The following TLN2 variants were observed in gnomAD, a reference collection of about 807,000 sequenced individuals.
TLN2 encodes talin 2, also known as talin-2.
In TLN2, 118 loss-of-function variants were observed where a neutral mutation model predicts 294.7. That is an observed-to-expected ratio of 0.40 (90% CI 0.34 to 0.47). The LOEUF (loss-of-function observed/expected upper bound fraction) is 0.47. TLN2 is among the 20% of genes least tolerant of loss of function. TLN2 has a pLI of 0.84. For synonymous variants in TLN2, 1,431 were observed against 1,304.5 expected, an observed-to-expected ratio of 1.10 and a Z score of -2.09; for missense variants, 3,083 against 3,282.2, an observed-to-expected ratio of 0.94 and a Z score of 1.48.
At chr15:62,457,272 G>A (rs1420706338) in intron 1 of TLN2, among the ~76,000 whole-genome samples, 4 of 152,062 alleles carry the variant, frequency 2.6e-5, no homozygotes, top group Non-Finnish European at 5.9e-5. Flanking sequence ...GAGAGCGTGC[G>A]AGCGTGCATG....
chr15:62,668,851 ACTCT>A (rs990114218), intron 9 of TLN2, among the ~76,000 whole-genome samples: 1 of 152,138 alleles, frequency 6.6e-6, no homozygotes, highest in Non-Finnish European at 1.5e-5. Flanking sequence ...AATTGTAGAA[ACTCT>A]CTCTCAACCT....
chr15:62,504,922 G>T (rs1217532130), intron 1 of TLN2, among the ~76,000 whole-genome samples: 3 of 150,576 alleles, frequency 2.0e-5, no homozygotes, highest in African/African-American at 7.3e-5. Context: ...TTTTTTGTTG[G>T]GTAATAACAT....
intron 21 of TLN2, among the ~76,000 whole-genome samples, chr15:62,710,154 G>A (rs1216493441): frequency 6.6e-6 from 1 of 152,104 alleles, no homozygotes. Context: ...TTTTTTGTTT[G>A]TTAGTTCATT....
At position 62,739,445 on chromosome 15, in the gene TLN2, C is replaced by G. The variant is rs1020470942; in HGVS notation, c.3785C>G (p.Thr1262Ser). 7 of 1,614,192 alleles carry G rather than the reference C, an allele frequency of 4.3e-6. No individual in the cohort carries two copies. In the East Asian group the frequency reaches 1.1e-4, roughly 26 times the overall value. The change falls in exon 31 of 59, where the codon ACC (threonine) becomes AGC (serine). Residue 1262 changes from threonine to serine, a missense_variant. Physicochemically the swap from Thr to Ser is moderately conservative, Grantham distance 58. Coordinates refer to ENST00000636159, the MANE Select transcript of TLN2 (RefSeq NM_015059.3). ...NQSAGEVVHA[T>S]RGQSGELAAA... is the part of the protein sequence containing the mutation. ...TCTGCTGGGGAAGTGGTCCATGCCACCCGGGGCCAGAGTGGAGAGTTGGCT... is the reference window on the plus strand; with the variant it reads ...TCTGCTGGGGAAGTGGTCCATGCCAGCCGGGGCCAGAGTGGAGAGTTGGCT...
intron 1 of TLN2, among the ~76,000 whole-genome samples, chr15:62,433,700 C>A (rs956185824): frequency 3.3e-5 from 5 of 152,080 alleles, no homozygotes; most frequent in Admixed American, 2.6e-4. Context: ...CTTATCATAC[C>A]TGCCTCAGTT....
intron 1 of TLN2, among the ~76,000 whole-genome samples, chr15:62,402,338 G>T (rs1014545462): frequency 4.6e-5 from 7 of 152,168 alleles, no homozygotes; most frequent in Non-Finnish European, 4.4e-5. Flanking sequence ...AAACTCACCA[G>T]TCTGACCGTC....
intron 54 of TLN2, among the ~76,000 whole-genome samples, chr15:62,826,997 G>A (rs899196514): frequency 1.3e-5 from 2 of 152,160 alleles, no homozygotes; most frequent in African/African-American, 2.4e-5. Context: ...TGACACGGGT[G>A]GTTCTTCAGT....
At chr15:62,478,526 G>A (rs2037910666) in intron 1 of TLN2, among the ~76,000 whole-genome samples, 1 of 152,062 alleles carries the variant, frequency 6.6e-6, no homozygotes, top group Admixed American at 6.6e-5. Flanking sequence ...CATTTTGGAG[G>A]CAGACTTCTT....
At chr15:62,823,030 C>T (rs776592864) in intron 54 of TLN2, among the ~76,000 whole-genome samples, 15 of 152,162 alleles carry the variant, frequency 9.9e-5, no homozygotes, top group Non-Finnish European at 2.1e-4. Context: ...TTTGTGTTTA[C>T]ATTGAGGGTT....
chr15:62,568,220 G>A (rs111294031), intron 1 of TLN2, among the ~76,000 whole-genome samples: 9 of 152,144 alleles, frequency 5.9e-5, no homozygotes, highest in African/African-American at 1.9e-4. Context: ...AGGAGGGAGC[G>A]GCAGGAGGGG....
chr15:62,557,130 T>C (rs58828914), intron 1 of TLN2, among the ~76,000 whole-genome samples: 1 of 152,190 alleles, frequency 6.6e-6, no homozygotes, highest in East Asian at 1.9e-4. Flanking sequence ...GAACACACTT[T>C]GAGCAAGGTG....
In TLN2 at chr15:62,844,273, T is replaced by G. The variant is rs192693897; in HGVS notation, c.*3663T>G. The stretch of plus-strand genomic sequence containing the variant: ...TCTTTCTGAGCCTCTGCTTGGTATG[T>G]CATGTTTATGGTCACTACGGATGAG... On this transcript the variant is annotated 3_prime_UTR_variant, in exon 59 of 59. Transcript: ENST00000636159. 6.6e-6 allele frequency: 1 copy of G among 152,188 alleles called. No homozygotes were observed. The highest frequency in any genetic ancestry group is 2.4e-5 in the African/African-American group (1 of 41,506). 9.4% of individuals were successfully genotyped at this position (152,188 alleles called of 1,614,324 possible).
intron 1 of TLN2, among the ~76,000 whole-genome samples, chr15:62,429,318 C>A (rs980702662): frequency 6.6e-6 from 1 of 152,136 alleles, no homozygotes; most frequent in African/African-American, 2.4e-5. Flanking sequence ...TGAACTGATT[C>A]ATCGGTTGGT....
At chr15:62,511,741 T>G (rs553970584) in intron 1 of TLN2, among the ~76,000 whole-genome samples, 1 of 152,180 alleles carries the variant, frequency 6.6e-6, no homozygotes, top group East Asian at 1.9e-4. Flanking sequence ...TTCTAGAGAT[T>G]GGTATATCTA....
rs1595707493 is a variant in TLN2, at chr15:62,698,983, A to G, written c.1587+116A>G. On this transcript the variant is annotated intron_variant, in intron 16 of 58. Coordinates refer to ENST00000636159, the MANE Select transcript of TLN2 (RefSeq NM_015059.3). ...CTATCTCTAGGTGAAATGGAAACCCATGATTTTTTCAGGATATTGAGTCTT... is the reference window on the plus strand; with the variant it reads ...CTATCTCTAGGTGAAATGGAAACCCGTGATTTTTTCAGGATATTGAGTCTT... 8 of 1,005,386 alleles carry G rather than the reference A, an allele frequency of 8.0e-6. No homozygotes were observed. The East Asian group carries it at 1.3e-4, about 17-fold the overall frequency. 62.3% of individuals were successfully genotyped at this position (1,005,386 alleles called of 1,614,324 possible).
intron 48 of TLN2, among the ~76,000 whole-genome samples, chr15:62,797,630 C>T (rs1046487469): frequency 6.6e-6 from 1 of 152,120 alleles, no homozygotes; most frequent in African/African-American, 2.4e-5. Flanking sequence ...TGAGAAGAGT[C>T]TAGAAGGAAG....
chr15:62,411,600 C>CCA (rs1201573431), intron 1 of TLN2, among the ~76,000 whole-genome samples: 1 of 151,944 alleles, frequency 6.6e-6, no homozygotes, highest in Non-Finnish European at 1.5e-5. Flanking sequence ...GGGTTTTGCC[C>CCA]ATTGAGGTTG....
intron 26 of TLN2, among the ~76,000 whole-genome samples, chr15:62,723,968 G>T (rs2060297664): frequency 6.6e-6 from 1 of 152,156 alleles, no homozygotes; most frequent in African/African-American, 2.4e-5. Context: ...GACCAACATG[G>T]TGAAACCCCA....
chr15:62,800,065 T>C (rs1306282820), intron 48 of TLN2, among the ~76,000 whole-genome samples: 3 of 152,222 alleles, frequency 2.0e-5, no homozygotes, highest in Admixed American at 1.3e-4. Flanking sequence ...TGGTGTCCTT[T>C]GTGCTGTCAG....
Sources: gnomAD v4.1 joint callset for allele counts (sites outside exome capture counted in the v4.1 genomes callset) on GRCh38, gnomAD v4.1.1 for gene constraint, MANE v1.5 for transcripts, NCBI Gene and HGNC (gene_info 2026-07-23, HGNC 2026-07-21) for gene names.